Variants in C3orf20 observed in about 807,000 individuals in gnomAD.
C3orf20 encodes family with sequence similarity 149 member C.
A neutral mutation model predicts 88.3 loss-of-function variants in C3orf20; 76 were observed. The ratio of observed to expected loss-of-function variants is 0.86; its 90% CI spans 0.72 to 1.04. The LOEUF (loss-of-function observed/expected upper bound fraction) is 1.04, where lower values mean the gene tolerates loss of function less well. C3orf20 is among the 50% of genes least tolerant of loss of function. The pLI is 0.00. For synonymous variants in C3orf20, 436 were observed against 437.4 expected, an observed-to-expected ratio of 1.00 and a Z score of 0.04; for missense variants, 1,056 against 1,123.3, an observed-to-expected ratio of 0.94 and a Z score of 0.86.
intron 15 of C3orf20, among the ~76,000 whole-genome samples, chr3:14,761,819 G>A (rs1040764072): frequency 6.6e-6 from 1 of 152,106 alleles, no homozygotes; most frequent in Non-Finnish European, 1.5e-5. Context: ...GGTGGGCAGG[G>A]GAGAGATGGG....
chr3:14,704,268 GC>G, intron 6 of C3orf20, 68 bp from the exon 7 acceptor site: 3 of 1,523,254 alleles, frequency 2.0e-6, no homozygotes, highest in Non-Finnish European at 1.8e-6. Context: ...CTAAGGAGGG[GC>G]TGTAGAGAGC....
rs2035566673 is a variant in C3orf20 at position 14,761,609 on chromosome 3, AAT to A, written c.2490_2491del (p.Lys830AsnfsTer14). The A allele has an allele frequency of 6.2e-7, 1 of 1,613,820 alleles. No homozygotes were observed. Among genetic ancestry groups the A allele is most frequent in the Non-Finnish European group, 8.5e-7 (1 of 1,179,964 alleles). ...GGCTACTTCCTGCCGGATGACTACA[AAT>A]TCAGGTAAAACAGGAAACACGCAGG... On this transcript the variant is annotated frameshift_variant, in exon 15 of 17. Transcript: ENST00000253697. LOFTEE classifies it high-confidence loss of function.
chr3:14,707,820 CTTTT>C (rs60474912), intron 7 of C3orf20, among the ~76,000 whole-genome samples: 1 of 122,154 alleles, frequency 8.2e-6, no homozygotes, highest in African/African-American at 3.2e-5. Context: ...GTGTTTTCCT[CTTTT>C]TTTTTTTTTT....
rs1367750246 is a variant in C3orf20, at chr3:14,675,262, G to A, written c.-299+10G>A. 8 of 152,186 alleles carry A rather than the reference G, an allele frequency of 5.3e-5. No individual in the cohort carries two copies. Among genetic ancestry groups the A allele is most frequent in the Admixed American group, 5.2e-4 (8 of 15,286 alleles). 9.4% of individuals were successfully genotyped at this position (152,186 alleles called of 1,614,324 possible). On this transcript the variant is annotated intron_variant, in intron 1 of 16. Coordinates refer to ENST00000253697, the MANE Select transcript of C3orf20 (RefSeq NM_032137.5). ...AAACTACATGGCTAAGGTGAGTGAT[G>A]ATCACTGAAAGGAATTCATTGACCC...
intron 12 of C3orf20, among the ~76,000 whole-genome samples, chr3:14,746,672 G>A (rs2035067028): frequency 6.6e-6 from 1 of 152,194 alleles, no homozygotes; most frequent in Non-Finnish European, 1.5e-5. Flanking sequence ...TGCAGTCAAA[G>A]TCAAGGACCC....
intron 7 of C3orf20, among the ~76,000 whole-genome samples, chr3:14,712,778 T>C (rs1189600416): frequency 6.6e-6 from 1 of 152,204 alleles, no homozygotes; most frequent in African/African-American, 2.4e-5. Context: ...AGTCACTGTC[T>C]AGTGTCCTTT....
intron 14 of C3orf20, 22 bp from the exon 15 acceptor site, chr3:14,761,451 C>T (rs761366174): frequency 2.0e-5 from 33 of 1,613,864 alleles, no homozygotes; most frequent in Non-Finnish European, 2.6e-5. Flanking sequence ...AGGATCTCTC[C>T]TCATTTCCTT....
At chr3:14,681,870 A>G (rs1045796950) in intron 1 of C3orf20, among the ~76,000 whole-genome samples, 1 of 152,170 alleles carries the variant, frequency 6.6e-6, no homozygotes, top group Non-Finnish European at 1.5e-5. Context: ...TATTTTTGGT[A>G]TAAGTTAAGA....
At chr3:14,684,651 C>G (rs1328411110) in intron 4 of C3orf20, among the ~76,000 whole-genome samples, 3 of 152,234 alleles carry the variant, frequency 2.0e-5, no homozygotes, top group Non-Finnish European at 2.9e-5. Context: ...GAGCCGTGCT[C>G]TCAAGCTACG....
In C3orf20 at chr3:14,684,277, G is replaced by A. The variant is rs373029656; in HGVS notation, c.520G>A (p.Val174Met). The A allele has an allele frequency of 4.0e-5, 64 of 1,614,054 alleles. No individual in the cohort carries two copies. The Middle Eastern group carries it at 6.6e-4, about 17-fold the overall frequency. ...CCCCTTGGACATCACCAGGCGCTTT[G>A]TGGAGGCCAGCCAGCTCCTCCACCT... ...ANPLDITRRFVEASQLLHLNA... is the reference protein window; with the variant it reads ...ANPLDITRRFMEASQLLHLNA... The change falls in exon 4 of 17, where the codon GTG (valine) becomes ATG (methionine). Residue 174 changes from valine (V) to methionine (M), a missense_variant. Physicochemically the swap from Val to Met is conservative, Grantham distance 21 (BLOSUM62 1). Coordinates refer to ENST00000253697, the MANE Select transcript of C3orf20 (RefSeq NM_032137.5).
chr3:14,705,592 G>A (rs1286398656), intron 7 of C3orf20, among the ~76,000 whole-genome samples: 1 of 152,168 alleles, frequency 6.6e-6, no homozygotes, highest in African/African-American at 2.4e-5. Flanking sequence ...AGAATGTCTG[G>A]GTAGGAAGTC....
In C3orf20 at chr3:14,760,554, C is replaced by T. The variant is rs115151739; in HGVS notation, c.2352+556C>T. Among the ~76,000 whole-genome samples, 1,451 of 150,342 alleles carry T rather than the reference C, an allele frequency of 9.7e-3. 16 individuals are homozygous for T. Among genetic ancestry groups the T allele is most frequent in the Middle Eastern group, 0.028 (8 of 284 alleles). ...AATACCATGAGCATTTCCCCATGTCCTTATTTAGTTTGTAACACCTGATTT... is the reference window on the plus strand; with the variant it reads ...AATACCATGAGCATTTCCCCATGTCTTTATTTAGTTTGTAACACCTGATTT... On this transcript the variant is annotated intron_variant, in intron 14 of 16. Transcript: ENST00000253697.
intron 12 of C3orf20, among the ~76,000 whole-genome samples, chr3:14,736,322 G>T (rs1180133577): frequency 6.9e-6 from 1 of 144,528 alleles, no homozygotes; most frequent in African/African-American, 2.6e-5. Context: ...ACAGAGTCTT[G>T]CTCTGTTGCC....
At chr3:14,760,106 A>AG in intron 14 of C3orf20, 108 bp downstream of exon 14, 1 of 854,394 alleles carries the variant, frequency 1.2e-6, no homozygotes, top group East Asian at 2.6e-5. Flanking sequence ...AGAAGAAGGG[A>AG]GGGGCTGCGG....
chr3:14,742,462 A>G (rs1265661667), intron 12 of C3orf20, among the ~76,000 whole-genome samples: 2 of 152,206 alleles, frequency 1.3e-5, no homozygotes, highest in Non-Finnish European at 2.9e-5. Context: ...AGCCACTGTT[A>G]TGAATTTTTG....
intron 12 of C3orf20, among the ~76,000 whole-genome samples, chr3:14,743,001 A>G (rs776414873): frequency 2.6e-5 from 4 of 151,938 alleles, no homozygotes; most frequent in South Asian, 2.1e-4. Flanking sequence ...CAGCCAAACC[A>G]TATAATTCCA....
intron 15 of C3orf20, among the ~76,000 whole-genome samples, chr3:14,767,641 A>C (rs1255044492): frequency 6.6e-6 from 1 of 152,264 alleles, no homozygotes; most frequent in African/African-American, 2.4e-5. Flanking sequence ...TAATGCACCC[A>C]GTAAGCCACA....
At chr3:14,678,628 T>C (rs6442466) in intron 1 of C3orf20, among the ~76,000 whole-genome samples, 122,694 of 152,182 alleles carry the variant, frequency 0.81, 50,782 homozygotes, top group Non-Finnish European at 0.91. Flanking sequence ...AAATTTCTTA[T>C]ACATTTCATT....
rs370979916 is a variant in C3orf20, at chr3:14,725,568, A to G, written c.1567-1333A>G. On this transcript the variant is annotated intron_variant, in intron 10 of 16. Coordinates refer to ENST00000253697, the MANE Select transcript of C3orf20 (RefSeq NM_032137.5). ...GAAGCAGGCTGAGTATAAATTTCAAATAAATAAATAAGATGAGTGCAGAAG... is the reference window on the plus strand; with the variant it reads ...GAAGCAGGCTGAGTATAAATTTCAAGTAAATAAATAAGATGAGTGCAGAAG... Among the ~76,000 whole-genome samples, 5 of 152,156 alleles carry G rather than the reference A, an allele frequency of 3.3e-5. No individual in the cohort carries two copies. In the East Asian group the frequency reaches 7.7e-4, roughly 23 times the overall value.
Sources: allele counts gnomAD v4.1 joint callset (sites outside exome capture counted in the v4.1 genomes callset), GRCh38; gene constraint gnomAD v4.1.1; transcripts MANE v1.5; gene names NCBI Gene and HGNC (gene_info 2026-07-23, HGNC 2026-07-21).